LMBRD1: variants seen among roughly 807,000 people sequenced by gnomAD.
LMBRD1 encodes the protein lysosomal cobalamin transport escort protein LMBD1.
LMBRD1 carries 64 observed loss-of-function variants against 74.8 expected under a neutral mutation model. That is an observed-to-expected ratio of 0.86 (90% confidence interval 0.70 to 1.05). LMBRD1 has a LOEUF of 1.05. Among genes scored for constraint, LMBRD1 ranks in the 50% least tolerant of loss-of-function variants. The probability of loss-of-function intolerance (pLI) is 0.00; values close to 1 mark genes in which losing one functional copy is unlikely to be tolerated. For synonymous variants in LMBRD1, 204 were observed against 216.3 expected, an observed-to-expected ratio of 0.94 and a Z score of 0.50; for missense variants, 652 against 645.9, an observed-to-expected ratio of 1.01 and a Z score of -0.10.
At position 69,674,183 on chromosome 6, in the gene LMBRD1, C is replaced by G. The variant is rs1379109992; in HGVS notation, c.*1975G>C. ...TTGTACATACACATTCTAGATGTCTCTCCCCCTTCTTATAAGAACACCAGT... is the reference window on the plus strand; with the variant it reads ...TTGTACATACACATTCTAGATGTCTGTCCCCCTTCTTATAAGAACACCAGT... On this transcript the variant is annotated 3_prime_UTR_variant, in exon 16 of 16. Coordinates refer to ENST00000649934, the MANE Select transcript of LMBRD1 (RefSeq NM_018368.4). Among the ~76,000 whole-genome samples the G allele has an allele frequency of 1.3e-5, 2 of 152,210 alleles. No homozygotes were observed. Among genetic ancestry groups the G allele is most frequent in the Non-Finnish European group, 2.9e-5 (2 of 68,040 alleles).
At chr6:69,697,708 A>G in intron 13 of LMBRD1, 67 bp from the exon 14 acceptor site, 1 of 941,712 alleles carries the variant, frequency 1.1e-6, no homozygotes, top group Non-Finnish European at 1.7e-6. Context: ...TTTAAAAAGT[A>G]ATCACTATGA....
At chr6:69,679,153 G>A (rs1283019846) in intron 14 of LMBRD1, among the ~76,000 whole-genome samples, 2 of 151,588 alleles carry the variant, frequency 1.3e-5, no homozygotes, top group African/African-American at 4.9e-5. Context: ...TATCTATTGA[G>A]CCCCCAAAAG....
At chr6:69,692,364 A>G (rs933421385) in intron 14 of LMBRD1, among the ~76,000 whole-genome samples, 3 of 152,200 alleles carry the variant, frequency 2.0e-5, no homozygotes, top group Admixed American at 2.0e-4. Flanking sequence ...ACTTTGATTT[A>G]TAGAGATCAT....
rs1765501984 is a variant in LMBRD1, at chr6:69,674,267, C to T, written c.*1891G>A. Among the ~76,000 whole-genome samples, 1 of 152,258 alleles carries T rather than the reference C, an allele frequency of 6.6e-6. No homozygotes were observed. Among genetic ancestry groups the T allele is most frequent in the East Asian group, 1.9e-4 (1 of 5,180 alleles). Reference sequence around the variant, plus strand: ...TTTTACTTTAATTACTTTTAAAAGGCCCTATCTCCACATAAAGTATTATTC... The same window carrying T: ...TTTTACTTTAATTACTTTTAAAAGGTCCTATCTCCACATAAAGTATTATTC... On this transcript the variant is annotated 3_prime_UTR_variant, in exon 16 of 16. Coordinates refer to ENST00000649934, the MANE Select transcript of LMBRD1 (RefSeq NM_018368.4).
At chr6:69,709,064 G>A (rs999549662) in intron 9 of LMBRD1, among the ~76,000 whole-genome samples, 13 of 151,914 alleles carry the variant, frequency 8.6e-5, no homozygotes, top group Non-Finnish European at 1.6e-4. Context: ...GAGAAACCCC[G>A]TCTCTACTAA....
At chr6:69,792,327 C>A (rs1289858237) in intron 1 of LMBRD1, among the ~76,000 whole-genome samples, 1 of 152,212 alleles carries the variant, frequency 6.6e-6, no homozygotes, top group Non-Finnish European at 1.5e-5. Flanking sequence ...TCCCTCAGCC[C>A]ACCAGTATCA....
chr6:69,691,147 CTCT>C (rs1286735484), intron 14 of LMBRD1, among the ~76,000 whole-genome samples: 4 of 138,526 alleles, frequency 2.9e-5, no homozygotes, highest in African/African-American at 1.1e-4. Flanking sequence ...GCCTCTCTCT[CTCT>C]TTTTTTTTTT....
intron 7 of LMBRD1, among the ~76,000 whole-genome samples, chr6:69,731,388 A>G (rs1355291627): frequency 6.6e-6 from 1 of 152,126 alleles, no homozygotes; most frequent in Non-Finnish European, 1.5e-5. Flanking sequence ...ATCATTACAC[A>G]TTATATGAAC....
At position 69,769,718 on chromosome 6, in the gene LMBRD1, AT is replaced by A. The variant is rs199694032; in HGVS notation, c.307+10775del. The stretch of plus-strand genomic sequence containing the variant: ...CAAGTGTGCAACTGCTGATGTGTCT[AT>A]TTTTTTTAACGATTTTTTTAGTGTT... On this transcript the variant is annotated intron_variant, in intron 3 of 15. Coordinates refer to ENST00000649934, the MANE Select transcript of LMBRD1 (RefSeq NM_018368.4). Among the ~76,000 whole-genome samples, 1,048 of 140,976 alleles carry A rather than the reference AT, an allele frequency of 7.4e-3. 23 individuals are homozygous for A. In the East Asian group the frequency reaches 0.086, roughly 12 times the overall value. 92.5% of individuals were successfully genotyped at this position (140,976 alleles called of 152,430 possible).
At chr6:69,758,406 T>C (rs557244938) in intron 3 of LMBRD1, among the ~76,000 whole-genome samples, 19 of 152,302 alleles carry the variant, frequency 1.2e-4, no homozygotes, top group African/African-American at 4.3e-4. Flanking sequence ...AGACTGATAG[T>C]TGCATATCTA....
At chr6:69,718,768 G>A (rs1766548856) in intron 8 of LMBRD1, among the ~76,000 whole-genome samples, 188 bp downstream of exon 8, 1 of 152,144 alleles carries the variant, frequency 6.6e-6, no homozygotes, top group Admixed American at 6.5e-5. Context: ...CCACAACACG[G>A]GGGATTATTG....
chr6:69,735,095 T>C (rs1458133364), intron 7 of LMBRD1, among the ~76,000 whole-genome samples: 1 of 152,224 alleles, frequency 6.6e-6, no homozygotes, highest in African/African-American at 2.4e-5. Context: ...ATTTTTATTT[T>C]ACAATAATTT....
At chr6:69,788,493 G>A (rs1582166172) in intron 2 of LMBRD1, among the ~76,000 whole-genome samples, 1 of 151,990 alleles carries the variant, frequency 6.6e-6, no homozygotes. Flanking sequence ...GAAACAAAGC[G>A]ATATACAGAG....
chr6:69,676,637 C>T, intron 14 of LMBRD1, 96 bp from the exon 15 acceptor site: 4 of 976,082 alleles, frequency 4.1e-6, no homozygotes, highest in Non-Finnish European at 4.8e-6. Flanking sequence ...AAGCTAATGA[C>T]TAAGATCATA....
At chr6:69,691,076 T>C (rs1375341608) in intron 14 of LMBRD1, among the ~76,000 whole-genome samples, 2 of 151,944 alleles carry the variant, frequency 1.3e-5, no homozygotes, top group South Asian at 2.1e-4. Context: ...ATATTGTCTA[T>C]GACTTTCATT....
intron 3 of LMBRD1, among the ~76,000 whole-genome samples, chr6:69,760,608 T>C (rs565372616): frequency 6.6e-6 from 1 of 152,186 alleles, no homozygotes; most frequent in African/African-American, 2.4e-5. Context: ...GCTTCTAAAG[T>C]GGCTCCTGAT....
chr6:69,783,424 G>C (rs947371193), intron 2 of LMBRD1, among the ~76,000 whole-genome samples: 1 of 152,212 alleles, frequency 6.6e-6, no homozygotes, highest in Non-Finnish European at 1.5e-5. Context: ...CCAGGCTGCA[G>C]TGCAGTGGCA....
At chr6:69,752,753 CACA>C (rs1156859913) in intron 3 of LMBRD1, among the ~76,000 whole-genome samples, 2 of 152,102 alleles carry the variant, frequency 1.3e-5, no homozygotes, top group East Asian at 3.8e-4. Context: ...GTACACTTGA[CACA>C]ACATTTGCTA....
intron 8 of LMBRD1, among the ~76,000 whole-genome samples, chr6:69,714,713 T>C (rs914921728): frequency 2.6e-5 from 4 of 152,072 alleles, no homozygotes; most frequent in African/African-American, 9.7e-5. Context: ...GCAGCCTCAA[T>C]TTGAAATCAT....
Sources: gnomAD v4.1 joint callset for allele counts (sites outside exome capture counted in the v4.1 genomes callset) on GRCh38, gnomAD v4.1.1 for gene constraint, MANE v1.5 for transcripts, NCBI Gene and HGNC (gene_info 2026-07-23, HGNC 2026-07-21) for gene names.